The following MLLT10 variants were observed in gnomAD, a reference collection of about 807,000 sequenced individuals.
The protein encoded by MLLT10 is MLLT10 histone lysine methyltransferase DOT1L cofactor.
Under a neutral mutation model 129.1 loss-of-function variants are expected in MLLT10, and 30 were observed. The ratio of observed to expected loss-of-function variants is 0.23; its 90% CI spans 0.17 to 0.32. The LOEUF (loss-of-function observed/expected upper bound fraction) is 0.32, where lower values mean the gene tolerates loss of function less well. Ranked by LOEUF, MLLT10 falls within the 10% of genes least tolerant of loss-of-function variation. MLLT10 has a pLI of 1.00. For missense variants in MLLT10, 1,119 were observed against 1,268.3 expected (o/e 0.88, Z 1.79); for synonymous variants, 490 against 446.4 (o/e 1.10, Z -1.23).
At chr10:21,716,456 G>A (rs545784330) in intron 14 of MLLT10, among the ~76,000 whole-genome samples, 2 of 152,312 alleles carry the variant, frequency 1.3e-5, no homozygotes, top group East Asian at 3.9e-4. Context: ...ACTTTGGGAG[G>A]CCACGGTGGG....
At chr10:21,596,091 A>C (rs1192991874) in intron 5 of MLLT10, among the ~76,000 whole-genome samples, 2 of 152,054 alleles carry the variant, frequency 1.3e-5, no homozygotes, top group African/African-American at 2.4e-5. Flanking sequence ...TAAGATTTTA[A>C]ATGTTTTTGT....
intron 3 of MLLT10, among the ~76,000 whole-genome samples, chr10:21,552,388 CTTTTTT>C (rs1225893534): frequency 8.9e-6 from 1 of 112,094 alleles, no homozygotes; most frequent in South Asian, 2.7e-4. Flanking sequence ...CTTCTTATTG[CTTTTTT>C]TTTTTTTTTT....
intron 9 of MLLT10, among the ~76,000 whole-genome samples, chr10:21,657,522 T>C (rs2049733337): frequency 6.6e-6 from 1 of 152,142 alleles, no homozygotes; most frequent in Non-Finnish European, 1.5e-5. Flanking sequence ...CTTTTTAAAT[T>C]GACAAATTGA....
chr10:21,594,589 C>T (rs1379553497), intron 4 of MLLT10, among the ~76,000 whole-genome samples: 6 of 129,056 alleles, frequency 4.6e-5, no homozygotes, highest in South Asian at 2.5e-4. Context: ...ACCCTTCATC[C>T]TCACCACCGC....
At chr10:21,652,073 T>A (rs2049103125) in intron 9 of MLLT10, among the ~76,000 whole-genome samples, 3 of 151,916 alleles carry the variant, frequency 2.0e-5, no homozygotes, top group African/African-American at 7.3e-5. Context: ...CCACTGTGCC[T>A]GGCCAATTTT....
At chr10:21,542,830 G>C (rs190533997) in intron 3 of MLLT10, among the ~76,000 whole-genome samples, 2 of 152,194 alleles carry the variant, frequency 1.3e-5, no homozygotes, top group Non-Finnish European at 2.9e-5. Flanking sequence ...AGGTTGCAAT[G>C]AGCTATAGTC....
At chr10:21,673,309 ACCCCCCAACTTT>A in intron 10 of MLLT10, 29 bp from the exon 11 acceptor site, 5 of 99,682 alleles carry the variant, frequency 5.0e-5, no homozygotes, top group Middle Eastern at 4.9e-3. Context: ...TGTCCCCCCC[ACCCCCCAACTTT>A]TTTTTTTTTT....
chr10:21,538,154 A>ATTTTTTTTT (rs747900217), intron 2 of MLLT10, among the ~76,000 whole-genome samples: 1 of 132,764 alleles, frequency 7.5e-6, no homozygotes, highest in Non-Finnish European at 1.6e-5. Context: ...TGCCCAGCTA[A>ATTTTTTTTT]TTTTTTTTTT....
intron 2 of MLLT10, among the ~76,000 whole-genome samples, chr10:21,535,338 G>C (rs1004537570): frequency 2.0e-5 from 3 of 152,126 alleles, no homozygotes; most frequent in Non-Finnish European, 2.9e-5. Context: ...AGATGGGGAG[G>C]GATGCGGGGC....
At chr10:21,568,243 G>A (rs1725898494) in intron 3 of MLLT10, among the ~76,000 whole-genome samples, 1 of 152,192 alleles carries the variant, frequency 6.6e-6, no homozygotes, top group Non-Finnish European at 1.5e-5. Flanking sequence ...CTGCTATATT[G>A]TGCCTTGTGT....
intron 13 of MLLT10, among the ~76,000 whole-genome samples, chr10:21,689,616 TATACACAC>T (rs1365748341): frequency 3.6e-5 from 5 of 140,754 alleles, no homozygotes; most frequent in Admixed American, 7.2e-5. Context: ...TATATATATA[TATACACAC>T]ACACACACAC....
chr10:21,569,141 G>C (rs1393117573), intron 3 of MLLT10, among the ~76,000 whole-genome samples: 1 of 152,160 alleles, frequency 6.6e-6, no homozygotes, highest in African/African-American at 2.4e-5. Flanking sequence ...TGAACAGAAT[G>C]CGTATTCTGG....
At position 21,713,791 on chromosome 10, in the gene MLLT10, T is replaced by C; in HGVS notation, c.1719T>C (p.Asp573=). 10 of 1,612,176 alleles carry C rather than the reference T, an allele frequency of 6.2e-6. No homozygotes were observed. Among genetic ancestry groups the C allele is most frequent in the Non-Finnish European group, 7.6e-6 (9 of 1,179,354 alleles). The change falls in exon 14 of 23, where the codon GAT becomes GAC. Residue 573 remains aspartate, a synonymous_variant. Coordinates refer to ENST00000307729, the MANE Select transcript of MLLT10 (RefSeq NM_001195626.3). ...AIHNGIYNSN[D]VAVSFPNVVS... ...TTGCAGGTATTTATAACAGCAATGA[T>C]GTAGCAGTATCGTTTCCAAATGTAG...
intron 8 of MLLT10, chr10:21,626,116 C>G: frequency 1.9e-6 from 3 of 1,609,624 alleles, no homozygotes; most frequent in Non-Finnish European, 2.5e-6. Flanking sequence ...TCCCCTGTTT[C>G]TCTCTCTGCC....
At chr10:21,726,605 A>G (rs1263078262) in intron 15 of MLLT10, among the ~76,000 whole-genome samples, 1 of 151,716 alleles carries the variant, frequency 6.6e-6, no homozygotes, top group East Asian at 1.9e-4. Context: ...TTATATAATT[A>G]CAAACTGTCA....
chr10:21,585,871 C>G (rs1261438804), intron 3 of MLLT10, among the ~76,000 whole-genome samples: 5 of 152,186 alleles, frequency 3.3e-5, no homozygotes, highest in African/African-American at 1.2e-4. Flanking sequence ...AAGCAATTCT[C>G]CTGCCTCAGC....
chr10:21,579,309 T>C (rs2041120580), intron 3 of MLLT10, among the ~76,000 whole-genome samples: 1 of 152,318 alleles, frequency 6.6e-6, no homozygotes, highest in East Asian at 1.9e-4. Context: ...TGTTTGCTGT[T>C]TAGCAAGGCA....
intron 3 of MLLT10, among the ~76,000 whole-genome samples, chr10:21,584,852 AC>A (rs1294742753): frequency 1.3e-5 from 2 of 151,490 alleles, no homozygotes; most frequent in Non-Finnish European, 2.9e-5. Flanking sequence ...ACATATATAT[AC>A]GTATGTGTGT....
chr10:21,645,613 T>C (rs1434419540), intron 8 of MLLT10, among the ~76,000 whole-genome samples: 1 of 152,218 alleles, frequency 6.6e-6, no homozygotes, highest in Non-Finnish European at 1.5e-5. Flanking sequence ...AATTCTTTCT[T>C]ATATGTTAGC....
Sources: gnomAD v4.1 joint callset for allele counts (sites outside exome capture counted in the v4.1 genomes callset) on GRCh38, gnomAD v4.1.1 for gene constraint, MANE v1.5 for transcripts, NCBI Gene and HGNC (gene_info 2026-07-23, HGNC 2026-07-21) for gene names.